The following SYN3 variants were observed in gnomAD, a reference collection of about 807,000 sequenced individuals.
SYN3 encodes synapsin III.
SYN3 carries 35 observed loss-of-function variants against 65.8 expected under a neutral mutation model. That is an observed-to-expected ratio of 0.53 (90% CI 0.41 to 0.70). The LOEUF (loss-of-function observed/expected upper bound fraction) is 0.70. Ranked by LOEUF, SYN3 falls within the 30% of genes least tolerant of loss-of-function variation. SYN3 has a pLI of 0.00. For missense variants in SYN3, 680 were observed against 749.0 expected, an observed-to-expected ratio of 0.91 and a Z score of 1.08; for synonymous variants, 270 against 292.9, an observed-to-expected ratio of 0.92 and a Z score of 0.80.
intron 1 of SYN3, among the ~76,000 whole-genome samples, chr22:33,036,638 T>C (rs575606202): frequency 1.3e-5 from 2 of 151,912 alleles, no homozygotes; most frequent in South Asian, 4.2e-4. Context: ...TCTTGTCCCT[T>C]GTCTAAAAAA....
chr22:32,578,254 C>CT (rs1569057605), intron 7 of SYN3, among the ~76,000 whole-genome samples: 2,221 of 138,316 alleles, frequency 0.016, 50 homozygotes, highest in African/African-American at 0.05. Flanking sequence ...TCTCTCTCTC[C>CT]CTCTCTCTTT....
rs1159704608 is a variant in SYN3 at position 32,724,496 on chromosome 22, T to C, written c.712-127760A>G. On this transcript the variant is annotated intron_variant, in intron 6 of 13. Coordinates refer to ENST00000358763, the MANE Select transcript of SYN3 (RefSeq NM_003490.4). ...CTTTCTGTGCCTCAGTGTCTTCTTCTCCTTTTCCTGTTAATAAAATGAGGG... is the reference window on the plus strand; with the variant it reads ...CTTTCTGTGCCTCAGTGTCTTCTTCCCCTTTTCCTGTTAATAAAATGAGGG... Among the ~76,000 whole-genome samples the C allele has an allele frequency of 2.0e-5, 3 of 152,328 alleles. No homozygotes were observed. In the East Asian group the frequency reaches 5.8e-4, roughly 29 times the overall value.
At chr22:32,608,741 A>T (rs1251257737) in intron 6 of SYN3, among the ~76,000 whole-genome samples, 1 of 152,226 alleles carries the variant, frequency 6.6e-6, no homozygotes, top group Admixed American at 6.5e-5. Context: ...TAGCCTTTCC[A>T]GTCTCAGCTG....
intron 4 of SYN3, among the ~76,000 whole-genome samples, chr22:32,894,167 G>A (rs925437691): frequency 1.3e-4 from 19 of 150,022 alleles, no homozygotes; most frequent in Admixed American, 4.7e-4. Context: ...CAAGGGCCTG[G>A]TGAATCACTG....
intron 1 of SYN3, among the ~76,000 whole-genome samples, chr22:33,044,537 A>T (rs946998048): frequency 6.6e-6 from 1 of 151,924 alleles, no homozygotes; most frequent in Admixed American, 6.6e-5. Flanking sequence ...ACCTCACCCA[A>T]CATAAGCTTA....
chr22:33,047,763 AT>A (rs1373527525), intron 1 of SYN3, among the ~76,000 whole-genome samples: 2 of 148,964 alleles, frequency 1.3e-5, no homozygotes, highest in Non-Finnish European at 3.0e-5. Context: ...ATACATGAGC[AT>A]TTACAGAACA....
At chr22:32,864,695 TCACC>T in intron 6 of SYN3, 2 of 419,156 alleles carry the variant, frequency 4.8e-6, no homozygotes, top group Non-Finnish European at 8.7e-6. Flanking sequence ...GGAATGTGGT[TCACC>T]TTTGTTATTT....
intron 3 of SYN3, among the ~76,000 whole-genome samples, chr22:32,963,690 G>A (rs756001451): frequency 1.3e-5 from 2 of 152,130 alleles, no homozygotes; most frequent in Non-Finnish European, 1.5e-5. Context: ...TAAGCAGAGA[G>A]AGGAAAAGAG....
At chr22:32,719,841 G>GA (rs202175197) in intron 6 of SYN3, among the ~76,000 whole-genome samples, 2,906 of 151,414 alleles carry the variant, frequency 0.019, 44 homozygotes, top group Middle Eastern at 0.031. Context: ...GACTGTCTCA[G>GA]AAAAAAACAA....
At chr22:32,570,171 C>T (rs1476043390) in intron 7 of SYN3, among the ~76,000 whole-genome samples, 1 of 152,176 alleles carries the variant, frequency 6.6e-6, no homozygotes, top group Non-Finnish European at 1.5e-5. Flanking sequence ...ACACTGCCTT[C>T]TAGGGAGGAC....
At chr22:32,585,001 C>A (rs1054946569) in intron 7 of SYN3, among the ~76,000 whole-genome samples, 3 of 152,170 alleles carry the variant, frequency 2.0e-5, no homozygotes, top group African/African-American at 7.2e-5. Flanking sequence ...GGGTCCCTGG[C>A]AGCAAGCAGA....
At chr22:32,638,277 G>T (rs929976428) in intron 6 of SYN3, among the ~76,000 whole-genome samples, 1 of 152,136 alleles carries the variant, frequency 6.6e-6, no homozygotes, top group East Asian at 1.9e-4. Flanking sequence ...CAATGAACAC[G>T]TGAGTGCATG....
intron 6 of SYN3, among the ~76,000 whole-genome samples, chr22:32,858,458 C>T (rs1468054610): frequency 6.6e-6 from 1 of 152,120 alleles, no homozygotes; most frequent in Non-Finnish European, 1.5e-5. Context: ...AGGATCCTGA[C>T]ACTGGCAGGT....
At chr22:32,665,417 A>G (rs2060276932) in intron 6 of SYN3, among the ~76,000 whole-genome samples, 1 of 152,004 alleles carries the variant, frequency 6.6e-6, no homozygotes, top group Non-Finnish European at 1.5e-5. Flanking sequence ...AATGGTTTCC[A>G]ATTCCATCCA....
intron 12 of SYN3, among the ~76,000 whole-genome samples, chr22:32,523,201 A>C (rs1460478472): frequency 6.6e-6 from 1 of 152,220 alleles, no homozygotes; most frequent in East Asian, 1.9e-4. Context: ...TTTGGGTGCC[A>C]TGAACCACAC....
chr22:32,688,283 C>A (rs2060618457), intron 6 of SYN3, among the ~76,000 whole-genome samples: 2 of 152,286 alleles, frequency 1.3e-5, no homozygotes, highest in South Asian at 4.1e-4. Flanking sequence ...AACTCCCAAT[C>A]CTGAGGCCTT....
chr22:32,666,897 C>T (rs886646478), intron 6 of SYN3, among the ~76,000 whole-genome samples: 2 of 152,178 alleles, frequency 1.3e-5, no homozygotes, highest in African/African-American at 4.8e-5. Flanking sequence ...CTCCCCACCT[C>T]GACCAAGCTC....
intron 7 of SYN3, among the ~76,000 whole-genome samples, chr22:32,548,261 G>C (rs1226424336): frequency 6.6e-6 from 1 of 152,314 alleles, no homozygotes; most frequent in South Asian, 2.1e-4. Context: ...CACCATGTTG[G>C]CCAGGACGGT....
At chr22:32,589,703 T>C (rs1169553483) in intron 7 of SYN3, among the ~76,000 whole-genome samples, 1 of 152,176 alleles carries the variant, frequency 6.6e-6, no homozygotes, top group Non-Finnish European at 1.5e-5. Flanking sequence ...CCACTAGATG[T>C]TATGTAGAAT....
Sources: gnomAD v4.1 joint callset for allele counts (sites outside exome capture counted in the v4.1 genomes callset) on GRCh38, gnomAD v4.1.1 for gene constraint, MANE v1.5 for transcripts, NCBI Gene and HGNC (gene_info 2026-07-23, HGNC 2026-07-21) for gene names.